ADAM2: variants seen among roughly 807,000 people sequenced by gnomAD.
The protein encoded by ADAM2 is ADAM metallopeptidase domain 2, also known as disintegrin and metalloproteinase domain-containing protein 2.
ADAM2 carries 101 observed loss-of-function variants against 99.3 expected under a neutral mutation model. That is an observed-to-expected ratio of 1.02 (90% CI 0.87 to 1.20). The LOEUF is 1.20. ADAM2 is among the 50% of genes most tolerant of loss of function. ADAM2 has a pLI of 0.00. For synonymous variants in ADAM2, 323 were observed against 287.6 expected (o/e 1.12, Z -1.25); for missense variants, 948 against 878.7 (o/e 1.08, Z -1.00).
chr8:39,805,755 C>T (rs914128961), intron 7 of ADAM2, among the ~76,000 whole-genome samples: 4 of 152,090 alleles, frequency 2.6e-5, no homozygotes, highest in Admixed American at 1.3e-4. Flanking sequence ...GGAGACCACA[C>T]GCTTAGGTAC....
rs1242733453 is a variant in ADAM2 at position 39,789,373 on chromosome 8, G to T, written c.571-633C>A. Among the ~76,000 whole-genome samples the T allele has an allele frequency of 2.0e-5, 3 of 151,602 alleles. No homozygotes were observed. In the East Asian group the frequency reaches 5.8e-4, roughly 29 times the overall value. ...TTGAAGACTATAACAAAATTATAAG[G>T]CAATAGATATCTATAGCACATTTCA... On this transcript the variant is annotated intron_variant, in intron 7 of 20. Transcript: ENST00000265708.
At chr8:39,830,210 AAGG>A (rs769165833) in intron 3 of ADAM2, among the ~76,000 whole-genome samples, 3 of 152,264 alleles carry the variant, frequency 2.0e-5, no homozygotes, top group Non-Finnish European at 2.9e-5. Context: ...TTGTGACAGA[AAGG>A]AGACCTATTT....
At chr8:39,829,376 C>T (rs116226226) in intron 3 of ADAM2, among the ~76,000 whole-genome samples, 4 of 151,872 alleles carry the variant, frequency 2.6e-5, no homozygotes, top group Non-Finnish European at 5.9e-5. Flanking sequence ...GGGAGAAATT[C>T]CATATGGCTA....
intron 18 of ADAM2, among the ~76,000 whole-genome samples, chr8:39,748,501 T>A (rs1426087458): frequency 6.6e-6 from 1 of 152,214 alleles, no homozygotes; most frequent in African/African-American, 2.4e-5. Flanking sequence ...CTGGAATTAA[T>A]AACTACCTAT....
At chr8:39,825,926 T>C (rs1009700552) in intron 3 of ADAM2, among the ~76,000 whole-genome samples, 1 of 152,210 alleles carries the variant, frequency 6.6e-6, no homozygotes, top group Non-Finnish European at 1.5e-5. Flanking sequence ...GTGAAAAATG[T>C]CATTAGAATT....
chr8:39,791,238 G>A (rs1167704216), intron 7 of ADAM2, among the ~76,000 whole-genome samples: 1 of 151,928 alleles, frequency 6.6e-6, no homozygotes, highest in Non-Finnish European at 1.5e-5. Flanking sequence ...CCAATCAAAA[G>A]GGGCCCAGTT....
chr8:39,825,044 A>C (rs2129588558), intron 3 of ADAM2, 147 bp from the exon 4 acceptor site: 1 of 595,940 alleles, frequency 1.7e-6, no homozygotes, highest in African/African-American at 1.9e-5. Flanking sequence ...TTTGTTCTAA[A>C]TTTTACTCAA....
intron 2 of ADAM2, among the ~76,000 whole-genome samples, chr8:39,835,237 T>C (rs1586172133): frequency 6.6e-6 from 1 of 152,328 alleles, no homozygotes; most frequent in Admixed American, 6.5e-5. Flanking sequence ...AATCACTCTA[T>C]GCTTAAGCTT....
rs536006503 is a variant in ADAM2 at position 39,763,665 on chromosome 8, C to T, written c.1508-2384G>A. Among the ~76,000 whole-genome samples, 4 of 152,308 alleles carry T rather than the reference C, an allele frequency of 2.6e-5. No individual in the cohort carries two copies. In the East Asian group the frequency reaches 7.7e-4, roughly 29 times the overall value. ...TAAAGGGAGTTTCCTCAATGCCAAC[C>T]GACGCTCTTATTCTTGTGCAGCCTG... is the stretch of plus-strand genomic sequence containing the variant. On this transcript the variant is annotated intron_variant, in intron 14 of 20. Transcript: ENST00000265708.
At chr8:39,821,871 C>T (rs1362599518) in intron 4 of ADAM2, among the ~76,000 whole-genome samples, 8 of 152,022 alleles carry the variant, frequency 5.3e-5, no homozygotes, top group Admixed American at 5.2e-4. Flanking sequence ...TTTCATATTT[C>T]TATAGGTTTT....
At position 39,809,469 on chromosome 8, in the gene ADAM2, G is replaced by T; in HGVS notation, c.514-3C>A. ...TACTTTGCAAAATCTTGCTGTGGCT[G>T]AAAAAATCCACAAATTTTACATCAA... On this transcript the variant is annotated splice_region_variant and splice_polypyrimidine_tract_variant and intron_variant, in intron 6 of 20. Coordinates refer to ENST00000265708, the MANE Select transcript of ADAM2 (RefSeq NM_001464.5). 7.2e-7 allele frequency: 1 copy of T among 1,395,000 alleles called. No homozygotes were observed. The highest frequency in any genetic ancestry group is 1.0e-6 in the Non-Finnish European group (1 of 997,132). The allele number at this position is 1,395,000 out of a possible 1,614,324, so 86.4% of individuals were successfully genotyped here. A position where few individuals can be genotyped will look rare whatever the true frequency, so the allele number is the denominator to read the frequency against.
intron 10 of ADAM2, among the ~76,000 whole-genome samples, chr8:39,784,172 C>T (rs1470163823): frequency 6.6e-6 from 1 of 152,144 alleles, no homozygotes; most frequent in Admixed American, 6.5e-5. Flanking sequence ...TTCTCTTCAA[C>T]ATCTTACTTC....
Position 39,788,685 on chromosome 8 carries a change from A to T in ADAM2, c.626T>A (p.Ile209Asn). The T allele has an allele frequency of 6.3e-7, 1 of 1,581,500 alleles. No individual in the cohort carries two copies. The highest frequency in any genetic ancestry group is 8.6e-7 in the Non-Finnish European group (1 of 1,161,790). ...TVVAQKVFQLIGLTNAIFVSF... is the reference protein window; with the variant it reads ...TVVAQKVFQLNGLTNAIFVSF... ...AAGACTTACAGCATTCGTCAATCCAATCAACTGGAAAACTTTTTGAGCGAC... is the reference window on the plus strand; with the variant it reads ...AAGACTTACAGCATTCGTCAATCCATTCAACTGGAAAACTTTTTGAGCGAC... The change falls in exon 8 of 21, where the codon ATT becomes AAT. Residue 209 changes from isoleucine (I) to asparagine (N), a missense_variant. Transcript: ENST00000265708.
chr8:39,757,394 CTGTAGA>C (rs1408533168), intron 15 of ADAM2, among the ~76,000 whole-genome samples: 1 of 152,162 alleles, frequency 6.6e-6, no homozygotes, highest in Non-Finnish European at 1.5e-5. Flanking sequence ...ACCAGATATT[CTGTAGA>C]TGTGGCTTTG....
At position 39,762,419 on chromosome 8, in the gene ADAM2, C is replaced by A. The variant is rs879912910; in HGVS notation, c.1508-1138G>T. ...AAAAATAGGCCAAAACAAAGAAAGC[C>A]GCAATCTACAGATCAAAATGAATTT... is the stretch of plus-strand genomic sequence containing the variant. On this transcript the variant is annotated intron_variant, in intron 14 of 20. Coordinates refer to ENST00000265708, the MANE Select transcript of ADAM2 (RefSeq NM_001464.5). Among the ~76,000 whole-genome samples the A allele has an allele frequency of 1.1e-4, 17 of 152,198 alleles. No homozygotes were observed. The East Asian group carries it at 3.3e-3, about 29-fold the overall frequency.
In ADAM2 at chr8:39,788,743, G is replaced by C; in HGVS notation, c.571-3C>G. ...GTATCAGACCCCATATGATTATACT[G>C]TAAAATATTATTACATTTTAGATAT... On this transcript the variant is annotated splice_region_variant and splice_polypyrimidine_tract_variant and intron_variant, in intron 7 of 20. Coordinates refer to ENST00000265708, the MANE Select transcript of ADAM2 (RefSeq NM_001464.5). 6.9e-7 allele frequency: 1 copy of C among 1,453,116 alleles called. No homozygotes were observed. The highest frequency in any genetic ancestry group is 1.4e-5 in the South Asian group (1 of 70,618). The allele number at this position is 1,453,116 out of a possible 1,614,324, so 90.0% of individuals were successfully genotyped here.
chr8:39,761,756 G>A (rs917390129), intron 14 of ADAM2, among the ~76,000 whole-genome samples: 6 of 152,236 alleles, frequency 3.9e-5, no homozygotes, highest in South Asian at 4.2e-4. Flanking sequence ...CAATCCACAT[G>A]CATAATCTGT....
intron 5 of ADAM2, 134 bp from the exon 6 acceptor site, chr8:39,821,304 A>G (rs1805178337): frequency 1.5e-6 from 1 of 675,274 alleles, no homozygotes; most frequent in Non-Finnish European, 2.4e-6. Flanking sequence ...AATAGGAGAA[A>G]GTTACTGGGT....
At chr8:39,760,135 G>C (rs541829139) in intron 15 of ADAM2, among the ~76,000 whole-genome samples, 6 of 152,160 alleles carry the variant, frequency 3.9e-5, no homozygotes, top group Admixed American at 3.9e-4. Context: ...CCAAAGTGCT[G>C]GGATTACAGG....
Sources: gnomAD v4.1 joint callset for allele counts (sites outside exome capture counted in the v4.1 genomes callset) on GRCh38, gnomAD v4.1.1 for gene constraint, MANE v1.5 for transcripts, NCBI Gene and HGNC (gene_info 2026-07-23, HGNC 2026-07-21) for gene names.